DNAJC24: variants seen among roughly 807,000 people sequenced by gnomAD.
The protein encoded by DNAJC24 is DnaJ heat shock protein family (Hsp40) member C24.
DNAJC24 carries 17 observed loss-of-function variants against 18.0 expected under a neutral mutation model. The observed-to-expected ratio is 0.94, with a 90% CI of 0.65 to 1.42. The LOEUF is 1.42. Among genes scored for constraint, DNAJC24 ranks in the 40% most tolerant of loss-of-function variants. The pLI is 0.00. For missense variants in DNAJC24, 158 were observed against 175.6 expected (o/e 0.90, Z 0.57); for synonymous variants, 55 against 57.7 (o/e 0.95, Z 0.21).
intron 2 of DNAJC24, among the ~76,000 whole-genome samples, chr11:31,414,577 G>A (rs1952736871): frequency 6.6e-6 from 1 of 152,110 alleles, no homozygotes; most frequent in Admixed American, 6.6e-5. Flanking sequence ...TCCAGAAAAT[G>A]CTGTCTTTGC....
intron 2 of DNAJC24, among the ~76,000 whole-genome samples, chr11:31,380,607 C>T (rs147438227): frequency 6.8e-4 from 103 of 152,128 alleles, no homozygotes; most frequent in Middle Eastern, 3.4e-3. Flanking sequence ...TAAAATAACT[C>T]GAACTTTATT....
In DNAJC24 at chr11:31,375,764, G is replaced by A. The variant is rs1428244213; in HGVS notation, c.111+4905G>A. On this transcript the variant is annotated intron_variant, in intron 2 of 4. Coordinates refer to ENST00000465995, the MANE Select transcript of DNAJC24 (RefSeq NM_181706.5). Reference sequence around the variant, plus strand: ...ATTTGGTACCTTCTTTTTATTCTCTGTGAAGTAGAAGACAAAGTTATCTGT... The same window carrying A: ...ATTTGGTACCTTCTTTTTATTCTCTATGAAGTAGAAGACAAAGTTATCTGT... 1.5e-5 allele frequency among the ~76,000 whole-genome samples: 2 copies of A among 135,256 alleles called. 1 individual carries two copies. Among genetic ancestry groups the A allele is most frequent in the Non-Finnish European group, 3.4e-5 (2 of 58,480 alleles). The allele number at this position is 135,256 out of a possible 152,430, so 88.7% of individuals were successfully genotyped here. A position where few individuals can be genotyped will look rare whatever the true frequency, so the allele number is the denominator to read the frequency against.
At chr11:31,376,200 T>A (rs1417590067) in intron 2 of DNAJC24, among the ~76,000 whole-genome samples, 1 of 152,224 alleles carries the variant, frequency 6.6e-6, no homozygotes, top group South Asian at 2.1e-4. Context: ...TTTCGCCTTC[T>A]GCCATGATTG....
At chr11:31,425,066 A>G (rs1564958923) in intron 3 of DNAJC24, among the ~76,000 whole-genome samples, 1 of 152,018 alleles carries the variant, frequency 6.6e-6, no homozygotes, top group East Asian at 1.9e-4. Context: ...AATGCTTCCC[A>G]TCTTTGATTG....
chr11:31,423,283 C>T lies in DNAJC24; in HGVS notation c.251-3004C>T, dbSNP rs7112999. On this transcript the variant is annotated intron_variant, in intron 3 of 4. Transcript: ENST00000465995. ...TTGTTTTTGTTTTTTGTTTTCGAGA[C>T]GGAGTCTCGCTCTGTCACCCAGGCT... Among the ~76,000 whole-genome samples, 1,379 of 152,216 alleles carry T rather than the reference C, an allele frequency of 9.1e-3. 22 individuals are homozygous for T. Among genetic ancestry groups the T allele is most frequent in the African/African-American group, 0.032 (1,330 of 41,534 alleles).
rs34050503 is a variant in DNAJC24, at chr11:31,390,705, TAAAAAAA to T, written c.111+19861_111+19867del. On this transcript the variant is annotated intron_variant, in intron 2 of 4. Transcript: ENST00000465995. Reference sequence around the variant, plus strand: ...TGGTTGCCAGAGTGAGATTCCATCTTAAAAAAAAAAAAAAAAAAAAAGTAATCTCCCA... The same window carrying T: ...TGGTTGCCAGAGTGAGATTCCATCTTAAAAAAAAAAAAAAGTAATCTCCCA... Among the ~76,000 whole-genome samples, 524 of 114,078 alleles carry T rather than the reference TAAAAAAA, an allele frequency of 4.6e-3. 25 individuals are homozygous for T. In the East Asian group the frequency reaches 0.12, roughly 26 times the overall value. The allele number at this position is 114,078 out of a possible 152,430, so 74.8% of individuals were successfully genotyped here.
At chr11:31,385,660 T>C (rs1488676581) in intron 2 of DNAJC24, among the ~76,000 whole-genome samples, 1 of 152,212 alleles carries the variant, frequency 6.6e-6, no homozygotes, top group Non-Finnish European at 1.5e-5. Context: ...ATAAGGTTTC[T>C]TGAGTGTTCT....
intron 2 of DNAJC24, among the ~76,000 whole-genome samples, chr11:31,382,098 G>T (rs1347783896): frequency 6.6e-6 from 1 of 152,164 alleles, no homozygotes; most frequent in East Asian, 1.9e-4. Context: ...GTTTCCAGGT[G>T]CTGTGGATAT....
intron 2 of DNAJC24, among the ~76,000 whole-genome samples, chr11:31,393,896 GA>G (rs1273009258): frequency 6.6e-6 from 1 of 152,052 alleles, no homozygotes; most frequent in African/African-American, 2.4e-5. Context: ...AGCAAATACT[GA>G]AACAATGATC....
In DNAJC24 at chr11:31,432,656, C is replaced by T; in HGVS notation, c.*2255C>T. 2.3e-6 allele frequency: 2 copies of T among 859,958 alleles called. No individual in the cohort carries two copies. Among genetic ancestry groups the T allele is most frequent in the Non-Finnish European group, 3.9e-6 (2 of 508,074 alleles). The allele number at this position is 859,958 out of a possible 1,614,324, so 53.3% of individuals were successfully genotyped here. A position where few individuals can be genotyped will look rare whatever the true frequency, so the allele number is the denominator to read the frequency against. ...CCCTTTTGCTATCTGTCCCTTTTCT[C>T]TATGCCAGATAAACACTTTCTCCTT... On this transcript the variant is annotated 3_prime_UTR_variant, in exon 5 of 5. Transcript: ENST00000465995.
At chr11:31,399,806 C>A (rs2133484648) in intron 2 of DNAJC24, among the ~76,000 whole-genome samples, 1 of 122,620 alleles carries the variant, frequency 8.2e-6, no homozygotes, top group South Asian at 2.8e-4. Flanking sequence ...AGGTTTGTTA[C>A]ATAGGTATAC....
intron 2 of DNAJC24, among the ~76,000 whole-genome samples, chr11:31,376,478 T>C (rs1057025272): frequency 1.3e-5 from 2 of 152,218 alleles, no homozygotes; most frequent in Admixed American, 6.5e-5. Flanking sequence ...AGTAAGTGTA[T>C]AATTAGTAGC....
At chr11:31,409,535 A>T (rs1952686331) in intron 2 of DNAJC24, among the ~76,000 whole-genome samples, 1 of 152,112 alleles carries the variant, frequency 6.6e-6, no homozygotes, top group South Asian at 2.1e-4. Flanking sequence ...TTTACTTAAC[A>T]TATATTTTAG....
At chr11:31,372,928 C>T (rs551903022) in intron 2 of DNAJC24, among the ~76,000 whole-genome samples, 1 of 135,096 alleles carries the variant, frequency 7.4e-6, no homozygotes, top group East Asian at 1.9e-4. Flanking sequence ...ATGAGAATCA[C>T]TGGACTACTC....
intron 2 of DNAJC24, among the ~76,000 whole-genome samples, chr11:31,400,247 G>T (rs1039665948): frequency 2.0e-5 from 3 of 152,138 alleles, no homozygotes; most frequent in African/African-American, 7.2e-5. Context: ...ATAGCAGAAT[G>T]ATTTATAATC....
intron 2 of DNAJC24, among the ~76,000 whole-genome samples, chr11:31,403,124 C>CGTGT (rs1952617640): frequency 3.5e-5 from 4 of 113,012 alleles, no homozygotes; most frequent in Admixed American, 1.9e-4. Flanking sequence ...TGCATATATG[C>CGTGT]ATGTGTGTGT....
At chr11:31,411,634 A>G (rs1475479906) in intron 2 of DNAJC24, among the ~76,000 whole-genome samples, 1 of 152,088 alleles carries the variant, frequency 6.6e-6, no homozygotes, top group Non-Finnish European at 1.5e-5. Context: ...CTCTCTCTCC[A>G]CTGTCTTCAC....
intron 4 of DNAJC24, among the ~76,000 whole-genome samples, chr11:31,428,515 ATCCCTTT>A (rs1952887301): frequency 6.6e-6 from 1 of 152,148 alleles, no homozygotes; most frequent in Non-Finnish European, 1.5e-5. Flanking sequence ...TTGTTTGAAG[ATCCCTTT>A]AGGATCATTT....
At chr11:31,414,780 C>T (rs1188061881) in intron 2 of DNAJC24, 31 bp from the exon 3 acceptor site, 4 of 1,586,584 alleles carry the variant, frequency 2.5e-6, no homozygotes, top group Middle Eastern at 1.7e-4. Flanking sequence ...TCTCTCTACT[C>T]ACCCCCTGCA....
Sources: allele counts gnomAD v4.1 joint callset (sites outside exome capture counted in the v4.1 genomes callset), GRCh38; gene constraint gnomAD v4.1.1; transcripts MANE v1.5; gene names NCBI Gene and HGNC (gene_info 2026-07-23, HGNC 2026-07-21).